DIS3L2: variants seen among roughly 807,000 people sequenced by gnomAD.
DIS3L2 encodes DIS3 like 3'-5' exoribonuclease 2, also known as DIS3-like exonuclease 2.
DIS3L2 carries 34 observed loss-of-function variants against 97.5 expected under a neutral mutation model. That is an observed-to-expected ratio of 0.35 (90% CI 0.27 to 0.46). The LOEUF is 0.46. Ranked by LOEUF, DIS3L2 falls within the 20% of genes least tolerant of loss-of-function variation. The probability of loss-of-function intolerance (pLI) is 1.00; values close to 1 mark genes in which losing one functional copy is unlikely to be tolerated. For synonymous variants in DIS3L2, 435 were observed against 445.2 expected (o/e 0.98, Z 0.29); for missense variants, 1,038 against 1,146.0 (o/e 0.91, Z 1.36).
rs146047421 is a variant in DIS3L2, at chr2:232,123,248, T to A, written c.602-7371T>A. Among the ~76,000 whole-genome samples, 721 of 152,200 alleles carry A rather than the reference T, an allele frequency of 4.7e-3. 5 individuals carry two copies. Among genetic ancestry groups the A allele is most frequent in the Admixed American group, 8.5e-3 (130 of 15,292 alleles). ...GAACCCTGGGATAAGTTAGTTTACT[T>A]CTTTGAATTGCTGGTTGCTTTTCAT... On this transcript the variant is annotated intron_variant, in intron 6 of 20. Coordinates refer to ENST00000325385, the MANE Select transcript of DIS3L2 (RefSeq NM_152383.5).
At chr2:232,335,402 C>T in intron 19 of DIS3L2, 1 of 257,306 alleles carries the variant, frequency 3.9e-6, no homozygotes, top group Non-Finnish European at 7.6e-6. Context: ...AAGTTCAAGC[C>T]TAGCTCACCC....
intron 8 of DIS3L2, among the ~76,000 whole-genome samples, chr2:232,144,481 AAC>A (rs1476029609): frequency 5.9e-5 from 9 of 151,996 alleles, no homozygotes; most frequent in Admixed American, 4.6e-4. Flanking sequence ...CCATTTTTTT[AAC>A]AGTTAATTTT....
intron 14 of DIS3L2, among the ~76,000 whole-genome samples, chr2:232,327,610 C>T (rs1396819592): frequency 2.0e-5 from 3 of 152,118 alleles, no homozygotes; most frequent in East Asian, 1.9e-4. Flanking sequence ...TTATGAAATC[C>T]GAATAAGAAC....
chr2:232,344,029 G>A (rs1416769725), exon 14 of DIS3L2: 1 of 159,496 alleles, frequency 6.3e-6, no homozygotes, highest in Non-Finnish European at 1.4e-5. Flanking sequence ...GTCATCTGGT[G>A]TACTGTAGGA....
chr2:232,010,747 C>G (rs530458585), intron 1 of DIS3L2, among the ~76,000 whole-genome samples: 1 of 152,332 alleles, frequency 6.6e-6, no homozygotes, highest in Non-Finnish European at 1.5e-5. Flanking sequence ...GAAGCTCTCA[C>G]TCCTGGGTCC....
intron 6 of DIS3L2, among the ~76,000 whole-genome samples, chr2:232,121,639 G>A (rs1697909639): frequency 6.6e-6 from 1 of 152,142 alleles, no homozygotes; most frequent in Non-Finnish European, 1.5e-5. Flanking sequence ...ACACGCCTTA[G>A]TGTGCACTGG....
At chr2:232,199,881 G>A (rs1303016931) in intron 9 of DIS3L2, among the ~76,000 whole-genome samples, 2 of 152,134 alleles carry the variant, frequency 1.3e-5, no homozygotes, top group African/African-American at 2.4e-5. Flanking sequence ...CTAAAAGGTG[G>A]TAAAAGCAAA....
At chr2:231,975,090 A>G (rs1290963040) in intron 1 of DIS3L2, among the ~76,000 whole-genome samples, 5 of 152,270 alleles carry the variant, frequency 3.3e-5, no homozygotes, top group East Asian at 3.9e-4. Context: ...ACGGCATTCA[A>G]TTAAGGTTAG....
intron 6 of DIS3L2, among the ~76,000 whole-genome samples, chr2:232,108,279 A>G (rs1697417051): frequency 6.6e-6 from 1 of 152,214 alleles, no homozygotes; most frequent in Non-Finnish European, 1.5e-5. Context: ...AAACCACATG[A>G]TTATCTCAAT....
At chr2:232,190,501 TG>T (rs1252879724) in intron 9 of DIS3L2, among the ~76,000 whole-genome samples, 1 of 152,026 alleles carries the variant, frequency 6.6e-6, no homozygotes, top group Non-Finnish European at 1.5e-5. Context: ...ACACAATTTT[TG>T]GATTGGGAAA....
rs753055270 is a variant in DIS3L2, at chr2:232,210,312, TC to T, written c.1125-13del. The T allele has an allele frequency of 1.2e-6, 2 of 1,609,144 alleles. No individual in the cohort carries two copies. Among genetic ancestry groups the T allele is most frequent in the Non-Finnish European group, 1.7e-6 (2 of 1,175,696 alleles). On this transcript the variant is annotated splice_polypyrimidine_tract_variant and intron_variant, in intron 9 of 20. Transcript: ENST00000325385. ...ATTTGTGGCATTGCTAATTGTTTCT[TC>T]ACTCTTTCCTAGAAAAGACTGTATC...
chr2:232,066,686 T>C (rs1262320022), intron 5 of DIS3L2, among the ~76,000 whole-genome samples: 1 of 152,046 alleles, frequency 6.6e-6, no homozygotes, highest in African/African-American at 2.4e-5. Flanking sequence ...AGTGAAGGCA[T>C]ATGGGCTTAG....
chr2:232,016,082 A>G (rs912530835), intron 3 of DIS3L2: 1 of 157,624 alleles, frequency 6.3e-6, no homozygotes, highest in Non-Finnish European at 1.4e-5. Context: ...GGGTTTGGAT[A>G]TATGAAACAT....
chr2:232,235,862 G>A (rs1692917359), intron 10 of DIS3L2, among the ~76,000 whole-genome samples: 1 of 152,190 alleles, frequency 6.6e-6, no homozygotes, highest in Admixed American at 6.5e-5. Flanking sequence ...TTCCTCGATC[G>A]CAGGGCAGGT....
chr2:232,218,392 G>T (rs891454060), intron 10 of DIS3L2, among the ~76,000 whole-genome samples: 69 of 152,296 alleles, frequency 4.5e-4, no homozygotes, highest in African/African-American at 1.5e-3. Context: ...AGGATAATAA[G>T]ATTTTTCTTC....
rs62199215 is a variant in DIS3L2 at position 232,279,820 on chromosome 2, C to T, written c.1659+16380C>T. On this transcript the variant is annotated intron_variant, in intron 13 of 20. Transcript: ENST00000325385. ...CTGGGATTACAGGCATGAACTACCA[C>T]GCCTGGCCTGGAAAGGATTTTTAAA... is the stretch of plus-strand genomic sequence containing the variant. Among the ~76,000 whole-genome samples, 1,294 of 152,286 alleles carry T rather than the reference C, an allele frequency of 8.5e-3. 22 individuals carry two copies. Among genetic ancestry groups the T allele is most frequent in the Admixed American group, 0.048 (739 of 15,294 alleles).
At chr2:231,965,675 A>C (rs1051406523) in intron 1 of DIS3L2, among the ~76,000 whole-genome samples, 2 of 152,298 alleles carry the variant, frequency 1.3e-5, no homozygotes, top group South Asian at 4.1e-4. Context: ...GGGGAGAGTG[A>C]ATGCACATAT....
rs1412145954 is a variant in DIS3L2, at chr2:232,136,384, G to T, written c.703-88G>T. ...CTAGAAAAACTGCTGGTTCCTGCTA[G>T]TTGATCAAATTATAACCTGCTGACC... On this transcript the variant is annotated intron_variant, in intron 7 of 20. Transcript: ENST00000325385. 3 of 1,526,564 alleles carry T rather than the reference G, an allele frequency of 2.0e-6. No individual in the cohort carries two copies. In the East Asian group the frequency reaches 6.8e-5, roughly 35 times the overall value. 94.6% of individuals were successfully genotyped at this position (1,526,564 alleles called of 1,614,324 possible). A position where few individuals can be genotyped will look rare whatever the true frequency, so the allele number is the denominator to read the frequency against.
chr2:232,273,632 A>G (rs1392904170), intron 13 of DIS3L2, among the ~76,000 whole-genome samples: 1 of 152,138 alleles, frequency 6.6e-6, no homozygotes, highest in Non-Finnish European at 1.5e-5. Flanking sequence ...GAGCCAGGAA[A>G]CTTCGGCACC....
Sources: gnomAD v4.1 joint callset for allele counts (sites outside exome capture counted in the v4.1 genomes callset) on GRCh38, gnomAD v4.1.1 for gene constraint, MANE v1.5 for transcripts, NCBI Gene and HGNC (gene_info 2026-07-23, HGNC 2026-07-21) for gene names.